The following TEAD4 variants were observed in gnomAD, a reference collection of about 807,000 sequenced individuals.
TEAD4 encodes the protein transcriptional enhancer factor TEF-3.
Under a neutral mutation model 52.4 loss-of-function variants are expected in TEAD4, and 36 were observed. The observed-to-expected ratio is 0.69, with a 90% CI of 0.53 to 0.91. The LOEUF is 0.91. TEAD4 is among the 40% of genes least tolerant of loss of function. TEAD4 has a pLI of 0.00. For synonymous variants in TEAD4, 220 were observed against 231.0 expected (o/e 0.95, Z 0.43); for missense variants, 508 against 583.9 (o/e 0.87, Z 1.34).
intron 10 of TEAD4, among the ~76,000 whole-genome samples, chr12:3,035,055 T>G (rs2098278530): frequency 6.6e-6 from 1 of 151,992 alleles, no homozygotes; most frequent in African/African-American, 2.4e-5. Flanking sequence ...GAGCTGAGAT[T>G]GCACCACCAC....
In TEAD4 at chr12:2,994,901, G is replaced by A. The variant is rs767498795; in HGVS notation, c.135G>A (p.Pro45=). ...ATGACGCAGAGGGCGTGTGGAGCCC[G>A]GATATTGAGCAGAGTTTCCAGGAGG... Residue 45 remains proline (P), a synonymous_variant, in exon 3 of 13, where the codon CCG becomes CCA. Transcript: ENST00000359864. This position sits in a 1 kb window ranked among gnomAD's most constrained non-coding sequence, Gnocchi z 4.7. 15 of 1,614,056 alleles carry A rather than the reference G, an allele frequency of 9.3e-6. No homozygotes were observed. Among genetic ancestry groups the A allele is most frequent in the African/African-American group, 8.0e-5 (6 of 74,934 alleles).
rs146977956 is a variant in TEAD4 at position 3,032,338 on chromosome 12, C to T, written c.898-5630C>T. On this transcript the variant is annotated intron_variant, in intron 10 of 12. Coordinates refer to ENST00000359864, the MANE Select transcript of TEAD4 (RefSeq NM_003213.4). ...CCAGCCGTGTGCTGTACGGACCCAGCGCGGCCCTCGGCTTCCAGGAGCTCG... is the reference window on the plus strand; with the variant it reads ...CCAGCCGTGTGCTGTACGGACCCAGTGCGGCCCTCGGCTTCCAGGAGCTCG... Among the ~76,000 whole-genome samples, 288 of 152,232 alleles carry T rather than the reference C, an allele frequency of 1.9e-3. 1 individual carries two copies. The Middle Eastern group carries it at 0.027, about 14-fold the overall frequency.
chr12:2,972,357 C>T (rs73042674), intron 2 of TEAD4, among the ~76,000 whole-genome samples: 13 of 152,234 alleles, frequency 8.5e-5, no homozygotes, highest in African/African-American at 1.4e-4. Context: ...GCTTGGATTA[C>T]GGGTGTGAGC....
chr12:2,997,268 C>T (rs1220436070), intron 3 of TEAD4, among the ~76,000 whole-genome samples: 1 of 152,204 alleles, frequency 6.6e-6, no homozygotes, highest in Non-Finnish European at 1.5e-5. Context: ...GGGAAACTAA[C>T]CCCTGAAATA....
At chr12:2,977,894 G>T (rs1297418806) in intron 2 of TEAD4, among the ~76,000 whole-genome samples, 1 of 152,076 alleles carries the variant, frequency 6.6e-6, no homozygotes, top group Non-Finnish European at 1.5e-5. Context: ...TTTGGCCTCC[G>T]GCAGGCCCTG....
At chr12:2,979,077 G>A (rs552914615) in intron 2 of TEAD4, among the ~76,000 whole-genome samples, 8 of 151,982 alleles carry the variant, frequency 5.3e-5, no homozygotes, top group Admixed American at 1.3e-4. Context: ...CACCATGCCC[G>A]GCTAATTTTT....
chr12:3,040,359 C>A lies in TEAD4; in HGVS notation c.1192-6C>A, dbSNP rs1441190739. On this transcript the variant is annotated splice_polypyrimidine_tract_variant and splice_region_variant and intron_variant, in intron 12 of 12. Transcript: ENST00000359864. The stretch of plus-strand genomic sequence containing the variant: ...TTATTAACCCTTGTCTTTTTCTCTC[C>A]CACAGGTGGTCACCAACAGAGACAC... 1.2e-6 allele frequency: 2 copies of A among 1,614,112 alleles called. No homozygotes were observed. The highest frequency in any genetic ancestry group is 1.7e-6 in the Non-Finnish European group (2 of 1,180,002).
intron 2 of TEAD4, among the ~76,000 whole-genome samples, chr12:2,964,068 A>G (rs1385095408): frequency 7.4e-6 from 1 of 135,940 alleles, no homozygotes; most frequent in African/African-American, 2.8e-5. Context: ...GGCGCTGGGG[A>G]GGGGCTGATG....
intron 2 of TEAD4, among the ~76,000 whole-genome samples, chr12:2,960,751 T>G (rs2098214601): frequency 6.6e-6 from 1 of 152,162 alleles, no homozygotes; most frequent in Non-Finnish European, 1.5e-5. Flanking sequence ...TCTGAGTAGG[T>G]GTGTGATGCC....
intron 10 of TEAD4, among the ~76,000 whole-genome samples, chr12:3,036,147 A>C (rs1005250143): frequency 2.0e-5 from 3 of 152,156 alleles, no homozygotes; most frequent in African/African-American, 7.2e-5. Flanking sequence ...TTTTCCCTAA[A>C]GGCCTCATCA....
chr12:2,975,313 C>G (rs2098228667), intron 2 of TEAD4, among the ~76,000 whole-genome samples: 1 of 151,712 alleles, frequency 6.6e-6, no homozygotes, highest in Non-Finnish European at 1.5e-5. Flanking sequence ...GCATTTGTTG[C>G]AATTGATGTA....
At chr12:2,969,276 C>T (rs897973150) in intron 2 of TEAD4, among the ~76,000 whole-genome samples, 6 of 152,116 alleles carry the variant, frequency 3.9e-5, no homozygotes, top group Non-Finnish European at 8.8e-5. Context: ...GATGTGCATG[C>T]GTTGTGTTAG....
At chr12:3,007,714 A>AGTTTTTAACCTAATTTTGT (rs1277650523) in intron 3 of TEAD4, among the ~76,000 whole-genome samples, 2 of 152,196 alleles carry the variant, frequency 1.3e-5, no homozygotes, top group Admixed American at 6.5e-5. Context: ...ATTGCCCCCA[A>AGTTTTTAACCTAATTTTGT]GTTTTTAACC....
At chr12:3,038,927 C>T (rs1030705840) in intron 11 of TEAD4, among the ~76,000 whole-genome samples, 7 of 152,180 alleles carry the variant, frequency 4.6e-5, no homozygotes, top group Admixed American at 6.5e-5. Context: ...TCTGAGAGTC[C>T]GGGGCCCTGT....
At chr12:3,014,395 G>C (rs1451303730) in intron 5 of TEAD4, among the ~76,000 whole-genome samples, 2 of 152,330 alleles carry the variant, frequency 1.3e-5, no homozygotes, top group East Asian at 3.9e-4. Context: ...GTGGATGGCT[G>C]GACAGACACC....
At chr12:2,964,593 G>A (rs571421057) in intron 2 of TEAD4, among the ~76,000 whole-genome samples, 157 of 151,756 alleles carry the variant, frequency 1.0e-3, no homozygotes, top group African/African-American at 3.6e-3. Flanking sequence ...GAGTAGCTGG[G>A]ATTACAGGTG....
intron 2 of TEAD4, among the ~76,000 whole-genome samples, chr12:2,982,620 G>A (rs972367321): frequency 6.6e-6 from 1 of 152,200 alleles, no homozygotes; most frequent in East Asian, 1.9e-4. Context: ...TGCCAGCCCC[G>A]GGATGTGGGC....
intron 10 of TEAD4, among the ~76,000 whole-genome samples, chr12:3,033,774 G>A (rs1024235460): frequency 5.9e-5 from 9 of 152,234 alleles, no homozygotes; most frequent in African/African-American, 2.2e-4. Context: ...TCACAGGGCA[G>A]GGGACCGGGG....
At chr12:3,004,945 C>T (rs898065128) in intron 3 of TEAD4, among the ~76,000 whole-genome samples, 3 of 152,184 alleles carry the variant, frequency 2.0e-5, no homozygotes, top group East Asian at 1.9e-4. Flanking sequence ...CACTCCCTCA[C>T]GGGGGGTTCT....
Sources: gnomAD v4.1 joint callset for allele counts (sites outside exome capture counted in the v4.1 genomes callset) on GRCh38, gnomAD v4.1.1 for gene constraint, Gnocchi (gnomAD v3.1) non-coding constraint, MANE v1.5 for transcripts, NCBI Gene and HGNC (gene_info 2026-07-23, HGNC 2026-07-21) for gene names.